The following SNTG1 variants were observed in gnomAD, a reference collection of about 807,000 sequenced individuals.
SNTG1 encodes gamma-1-syntrophin.
SNTG1 carries 39 observed loss-of-function variants against 74.7 expected under a neutral mutation model. The observed-to-expected ratio is 0.52, with a 90% CI of 0.40 to 0.68. The LOEUF is 0.68. Among genes scored for constraint, SNTG1 ranks in the 30% least tolerant of loss-of-function variants. SNTG1 has a pLI of 0.00. For synonymous variants in SNTG1, 254 were observed against 217.1 expected, an observed-to-expected ratio of 1.17 and a Z score of -1.49; for missense variants, 685 against 609.5, an observed-to-expected ratio of 1.12 and a Z score of -1.30.
At chr8:50,440,395 G>T (rs550870346) in intron 5 of SNTG1, among the ~76,000 whole-genome samples, 1 of 151,536 alleles carries the variant, frequency 6.6e-6, no homozygotes, top group East Asian at 1.9e-4. Context: ...TGATTATTTA[G>T]ATCAAAATAT....
intron 1 of SNTG1, among the ~76,000 whole-genome samples, chr8:50,154,336 C>G (rs1212798520): frequency 6.6e-6 from 1 of 152,064 alleles, no homozygotes. Context: ...GTCACCGCTT[C>G]CCTTGGCTAG....
intron 2 of SNTG1, among the ~76,000 whole-genome samples, chr8:50,254,400 T>A (rs1459646693): frequency 6.6e-6 from 1 of 152,222 alleles, no homozygotes; most frequent in Non-Finnish European, 1.5e-5. Context: ...AAAAGAGCTT[T>A]GAAATATCAT....
At chr8:50,361,777 G>A (rs1222095634) in intron 2 of SNTG1, among the ~76,000 whole-genome samples, 1 of 152,098 alleles carries the variant, frequency 6.6e-6, no homozygotes, top group African/African-American at 2.4e-5. Flanking sequence ...GGCTACATGA[G>A]ATAGTCTATT....
At chr8:50,549,601 A>G (rs2094411683) in intron 11 of SNTG1, among the ~76,000 whole-genome samples, 1 of 152,218 alleles carries the variant, frequency 6.6e-6, no homozygotes, top group African/African-American at 2.4e-5. Flanking sequence ...TCTCAGGATC[A>G]GAGAGAAAAA....
At chr8:50,084,420 AC>A (rs1308423930) in intron 1 of SNTG1, among the ~76,000 whole-genome samples, 1 of 152,196 alleles carries the variant, frequency 6.6e-6, no homozygotes, top group Non-Finnish European at 1.5e-5. Flanking sequence ...AGGTCACACC[AC>A]TGCACTCCAG....
intron 9 of SNTG1, among the ~76,000 whole-genome samples, chr8:50,509,292 G>T (rs996573104): frequency 1.3e-5 from 2 of 152,108 alleles, no homozygotes; most frequent in Non-Finnish European, 2.9e-5. Flanking sequence ...CTCTGTTTTG[G>T]TACCAGTACC....
chr8:50,627,998 T>TC (rs1474257036), intron 13 of SNTG1, among the ~76,000 whole-genome samples: 1 of 152,170 alleles, frequency 6.6e-6, no homozygotes, highest in Non-Finnish European at 1.5e-5. Context: ...GGGCTGAAAG[T>TC]CCTAACCTTC....
At chr8:49,967,813 G>A (rs944056139) in intron 1 of SNTG1, among the ~76,000 whole-genome samples, 1 of 152,168 alleles carries the variant, frequency 6.6e-6, no homozygotes, top group Non-Finnish European at 1.5e-5. Flanking sequence ...AAGGTCTTAA[G>A]CAAATAATAA....
chr8:50,383,046 C>G (rs1164516934), intron 2 of SNTG1, among the ~76,000 whole-genome samples: 1 of 152,186 alleles, frequency 6.6e-6, no homozygotes, highest in East Asian at 1.9e-4. Flanking sequence ...AGATGTTAAC[C>G]ACATTAAAAT....
At chr8:50,657,468 A>T (rs981524401) in intron 14 of SNTG1, among the ~76,000 whole-genome samples, 16 of 152,168 alleles carry the variant, frequency 1.1e-4, no homozygotes, top group African/African-American at 3.9e-4. Flanking sequence ...TTTTCCAAGG[A>T]TCTTTTGAAA....
At chr8:50,510,386 C>T (rs552273987) in intron 9 of SNTG1, among the ~76,000 whole-genome samples, 8 of 151,868 alleles carry the variant, frequency 5.3e-5, no homozygotes, top group African/African-American at 1.2e-4. Context: ...CTTTTTTTGT[C>T]GTGTCTCTGC....
At chr8:50,654,574 T>TTCTCCTGATGTACTTCATGAAGTTTCTC (rs2095169059) in intron 13 of SNTG1, among the ~76,000 whole-genome samples, 1 of 152,228 alleles carries the variant, frequency 6.6e-6, no homozygotes, top group Admixed American at 6.5e-5. Flanking sequence ...ATTGTTTTTA[T>TTCTCCTGATGTACTTCATGAAGTTTCTC]TCTTCATGTT....
At chr8:50,082,949 A>C (rs1055428188) in intron 1 of SNTG1, among the ~76,000 whole-genome samples, 1 of 152,148 alleles carries the variant, frequency 6.6e-6, no homozygotes, top group African/African-American at 2.4e-5. Context: ...TAATGGAGCC[A>C]CTGACCTCTT....
intron 2 of SNTG1, among the ~76,000 whole-genome samples, chr8:50,378,142 C>T (rs191602182): frequency 3.3e-3 from 507 of 152,318 alleles, no homozygotes; most frequent in Non-Finnish European, 6.0e-3. Context: ...GCACGGGGTT[C>T]GGCCACTGCA....
intron 8 of SNTG1, among the ~76,000 whole-genome samples, chr8:50,481,552 A>G (rs891117036): frequency 6.6e-6 from 1 of 152,216 alleles, no homozygotes; most frequent in African/African-American, 2.4e-5. Flanking sequence ...GCAAATAATT[A>G]TGACCACAGC....
chr8:50,527,478 C>T (rs2094230559), intron 9 of SNTG1, among the ~76,000 whole-genome samples: 1 of 151,912 alleles, frequency 6.6e-6, no homozygotes, highest in Non-Finnish European at 1.5e-5. Flanking sequence ...TATTTTTGTG[C>T]ATCTTACATA....
chr8:50,518,172 A>T (rs1443384530), intron 9 of SNTG1, among the ~76,000 whole-genome samples: 1 of 152,222 alleles, frequency 6.6e-6, no homozygotes, highest in Non-Finnish European at 1.5e-5. Flanking sequence ...CCACACAACT[A>T]CATGGAAAAT....
chr8:50,009,903 G>A (rs914097022), intron 1 of SNTG1, among the ~76,000 whole-genome samples: 1 of 152,114 alleles, frequency 6.6e-6, no homozygotes, highest in Non-Finnish European at 1.5e-5. Flanking sequence ...GGAGGCTGAC[G>A]CAGAATTCCT....
At chr8:50,469,606 T>C (rs1431222893) in intron 8 of SNTG1, among the ~76,000 whole-genome samples, 1 of 151,844 alleles carries the variant, frequency 6.6e-6, no homozygotes, top group African/African-American at 2.4e-5. Context: ...TTAAGGCCTT[T>C]GTCCTTGTCT....
Sources: allele counts gnomAD v4.1 joint callset (sites outside exome capture counted in the v4.1 genomes callset), GRCh38; gene constraint gnomAD v4.1.1; transcripts MANE v1.5; gene names NCBI Gene and HGNC (gene_info 2026-07-23, HGNC 2026-07-21).